The following PTPRM variants were observed in gnomAD, a reference collection of about 807,000 sequenced individuals.
PTPRM encodes receptor-type tyrosine-protein phosphatase mu.
A neutral mutation model predicts 186.7 loss-of-function variants in PTPRM; 47 were observed. That is an observed-to-expected ratio of 0.25 (90% confidence interval 0.20 to 0.32). The LOEUF (loss-of-function observed/expected upper bound fraction) is 0.32, where lower values mean the gene tolerates loss of function less well. Among genes scored for constraint, PTPRM ranks in the 10% least tolerant of loss-of-function variants. The probability of loss-of-function intolerance (pLI) is 1.00; values close to 1 mark genes in which losing one functional copy is unlikely to be tolerated. For synonymous variants in PTPRM, 668 were observed against 674.9 expected, an observed-to-expected ratio of 0.99 and a Z score of 0.16; for missense variants, 1,494 against 1,865.0, an observed-to-expected ratio of 0.80 and a Z score of 3.66.
intron 14 of PTPRM, among the ~76,000 whole-genome samples, chr18:8,220,253 C>T (rs528790261): frequency 6.6e-6 from 1 of 152,286 alleles, no homozygotes; most frequent in African/African-American, 2.4e-5. Context: ...GTGATGACTT[C>T]CGAACTTTAA....
chr18:7,766,502 G>A (rs961606787), intron 1 of PTPRM, among the ~76,000 whole-genome samples: 2 of 152,202 alleles, frequency 1.3e-5, no homozygotes, highest in African/African-American at 2.4e-5. Context: ...AGTTACTATG[G>A]GGCTGCACCT....
intron 6 of PTPRM, among the ~76,000 whole-genome samples, chr18:7,954,630 G>A (rs2053193543): frequency 6.6e-6 from 1 of 152,044 alleles, no homozygotes; most frequent in South Asian, 2.1e-4. Flanking sequence ...GCTTCCTAGA[G>A]CTTAAATACT....
intron 1 of PTPRM, among the ~76,000 whole-genome samples, chr18:7,753,926 C>T (rs1467043242): frequency 6.6e-6 from 1 of 151,936 alleles, no homozygotes; most frequent in African/African-American, 2.4e-5. Flanking sequence ...TCACCTTTTC[C>T]CCCCTTCTCC....
intron 19 of PTPRM, among the ~76,000 whole-genome samples, chr18:8,295,017 A>G (rs2095080899): frequency 6.6e-6 from 1 of 152,228 alleles, no homozygotes; most frequent in Admixed American, 6.5e-5. Flanking sequence ...TTGACAAACT[A>G]TGTAACTAAT....
intron 1 of PTPRM, among the ~76,000 whole-genome samples, chr18:7,623,589 C>T (rs1387417489): frequency 6.6e-6 from 1 of 151,960 alleles, no homozygotes; most frequent in Admixed American, 6.6e-5. Context: ...AATACTATTC[C>T]ATAATTTATA....
intron 7 of PTPRM, among the ~76,000 whole-genome samples, chr18:8,041,417 A>C (rs1600216192): frequency 6.6e-6 from 1 of 152,156 alleles, no homozygotes; most frequent in Middle Eastern, 3.4e-3. Flanking sequence ...GCATCATTAA[A>C]GGCATGACTT....
At chr18:7,710,355 G>T (rs1383330254) in intron 1 of PTPRM, among the ~76,000 whole-genome samples, 2 of 152,090 alleles carry the variant, frequency 1.3e-5, no homozygotes, top group East Asian at 3.9e-4. Flanking sequence ...ATCCCTTTAT[G>T]ATAAAACCCT....
intron 19 of PTPRM, among the ~76,000 whole-genome samples, chr18:8,257,599 G>A (rs1460247754): frequency 2.6e-5 from 4 of 152,172 alleles, no homozygotes; most frequent in South Asian, 2.1e-4. Context: ...CAAAAATGCC[G>A]TGGAATGCTT....
chr18:8,278,193 A>G (rs2094858644), intron 19 of PTPRM, among the ~76,000 whole-genome samples: 1 of 152,246 alleles, frequency 6.6e-6, no homozygotes, highest in Non-Finnish European at 1.5e-5. Context: ...TGTAAAAATA[A>G]TATCTATACA....
chr18:7,782,552 TC>T (rs2042908044), intron 2 of PTPRM, among the ~76,000 whole-genome samples: 1 of 152,140 alleles, frequency 6.6e-6, no homozygotes, highest in Admixed American at 6.6e-5. Flanking sequence ...TTCTGTGTCT[TC>T]CCCCAACTGA....
chr18:8,348,530 A>G (rs1209836363), intron 23 of PTPRM, among the ~76,000 whole-genome samples: 1 of 152,224 alleles, frequency 6.6e-6, no homozygotes, highest in East Asian at 1.9e-4. Flanking sequence ...TGGCATTGAA[A>G]TGGCGCTGGA....
At chr18:8,131,620 G>A (rs1056047502) in intron 13 of PTPRM, among the ~76,000 whole-genome samples, 1 of 152,154 alleles carries the variant, frequency 6.6e-6, no homozygotes, top group Admixed American at 6.5e-5. Context: ...TATTTCAACA[G>A]CATCAGTTCT....
At chr18:7,821,895 A>G (rs1216792788) in intron 2 of PTPRM, among the ~76,000 whole-genome samples, 3 of 152,188 alleles carry the variant, frequency 2.0e-5, no homozygotes, top group African/African-American at 2.4e-5. Context: ...GCTTAGAACA[A>G]TGCACAGCTT....
At chr18:7,602,626 CA>C (rs2143760637) in intron 1 of PTPRM, among the ~76,000 whole-genome samples, 1 of 151,470 alleles carries the variant, frequency 6.6e-6, no homozygotes, top group Admixed American at 6.6e-5. Flanking sequence ...GGGGTCTTCC[CA>C]TGTTTTCAAG....
intron 14 of PTPRM, among the ~76,000 whole-genome samples, chr18:8,152,447 C>T (rs2093030394): frequency 6.6e-6 from 1 of 152,140 alleles, no homozygotes; most frequent in African/African-American, 2.4e-5. Context: ...CAGGACAAAC[C>T]GTTGCTCTGT....
intron 24 of PTPRM, among the ~76,000 whole-genome samples, chr18:8,374,453 ACTC>A (rs1342660809): frequency 6.6e-6 from 1 of 152,042 alleles, no homozygotes; most frequent in Non-Finnish European, 1.5e-5. Flanking sequence ...AAATGGGATC[ACTC>A]CTATGTGGGT....
intron 1 of PTPRM, among the ~76,000 whole-genome samples, chr18:7,644,409 A>G (rs900354466): frequency 5.9e-5 from 9 of 152,188 alleles, no homozygotes; most frequent in Admixed American, 1.3e-4. Context: ...CACCCATGCT[A>G]AACACAGTAG....
chr18:7,753,924 T>C (rs2041345606), intron 1 of PTPRM, among the ~76,000 whole-genome samples: 1 of 152,100 alleles, frequency 6.6e-6, no homozygotes, highest in South Asian at 2.1e-4. Flanking sequence ...ACTCACCTTT[T>C]CCCCCCTTCT....
intron 1 of PTPRM, among the ~76,000 whole-genome samples, chr18:7,633,375 C>T (rs1213875682): frequency 6.6e-6 from 1 of 152,200 alleles, no homozygotes; most frequent in Non-Finnish European, 1.5e-5. Flanking sequence ...CCAAATTCAT[C>T]TTTGGATGGC....
Sources: allele counts gnomAD v4.1 joint callset (sites outside exome capture counted in the v4.1 genomes callset), GRCh38; gene constraint gnomAD v4.1.1; transcripts MANE v1.5; gene names NCBI Gene and HGNC (gene_info 2026-07-23, HGNC 2026-07-21).